Variants in NAV3 observed in about 807,000 individuals in gnomAD.
NAV3 encodes the protein pore membrane and/or filament interacting like protein 1.
Under a neutral mutation model 244.7 loss-of-function variants are expected in NAV3, and 87 were observed. The ratio of observed to expected loss-of-function variants is 0.36; its 90% confidence interval spans 0.30 to 0.42. NAV3 has a LOEUF of 0.42. NAV3 is among the 20% of genes least tolerant of loss of function. The probability of loss-of-function intolerance (pLI) is 1.00; values close to 1 mark genes in which losing one functional copy is unlikely to be tolerated. For missense variants in NAV3, 2,663 were observed against 2,893.3 expected (o/e 0.92, Z 1.83); for synonymous variants, 1,126 against 1,042.2 (o/e 1.08, Z -1.55).
chr12:77,694,220 A>G (rs1875178625), intron 2 of NAV3, among the ~76,000 whole-genome samples: 1 of 151,774 alleles, frequency 6.6e-6, no homozygotes, highest in Non-Finnish European at 1.5e-5. Context: ...TAATCCCAGC[A>G]CTTTGGGAGG....
chr12:77,830,075 G>A (rs773960132), upstream of NAV3, among the ~76,000 whole-genome samples: 2 of 152,124 alleles, frequency 1.3e-5, no homozygotes, highest in Non-Finnish European at 2.9e-5. Flanking sequence ...TACATTAGAT[G>A]TTTTCTTAAA....
rs5799344 is a variant in NAV3 at position 77,762,723 on chromosome 12, TTTGTTGTTGTTG to T, written c.73-177572_73-177561del. On this transcript the variant is annotated intron_variant, in intron 2 of 8. Transcript: ENST00000550042. ...ATTTCCACCCAGGCTTCATGGGTTT[TTTGTTGTTGTTG>T]TTGTTGTTGTTGTTGTTGTTGTTAA... Among the ~76,000 whole-genome samples the T allele has an allele frequency of 3.8e-3, 568 of 150,830 alleles. 2 individuals carry two copies. Among genetic ancestry groups the T allele is most frequent in the Non-Finnish European group, 5.4e-3 (366 of 67,758 alleles).
intron 2 of NAV3, among the ~76,000 whole-genome samples, chr12:77,798,888 C>T (rs1006416894): frequency 6.6e-6 from 1 of 152,166 alleles, no homozygotes; most frequent in Non-Finnish European, 1.5e-5. Context: ...AGGAGAAATA[C>T]TGTGTTAGCT....
chr12:77,939,160 T>C (rs927047271), intron 1 of NAV3, among the ~76,000 whole-genome samples: 27 of 152,212 alleles, frequency 1.8e-4, no homozygotes, highest in African/African-American at 6.0e-4. Context: ...TTAACATGCT[T>C]GGCATTTAGT....
At chr12:78,139,180 G>T (rs1033023447) in intron 19 of NAV3, among the ~76,000 whole-genome samples, 18 of 152,008 alleles carry the variant, frequency 1.2e-4, no homozygotes, top group African/African-American at 4.3e-4. Context: ...AAAACTGGGG[G>T]TTCTTCTTTA....
intron 8 of NAV3, among the ~76,000 whole-genome samples, chr12:78,015,377 T>G (rs763395410): frequency 1.3e-5 from 2 of 152,078 alleles, no homozygotes; most frequent in African/African-American, 2.4e-5. Flanking sequence ...CTGGAACAAC[T>G]GTTTAGCCTT....
At chr12:78,121,518 A>C (rs1955666538) in intron 15 of NAV3, among the ~76,000 whole-genome samples, 1 of 134,496 alleles carries the variant, frequency 7.4e-6, no homozygotes, top group Admixed American at 8.5e-5. Flanking sequence ...AAATTTAAAA[A>C]TAAAAAAAAA....
chr12:77,613,723 C>T (rs865875848), intron 2 of NAV3, among the ~76,000 whole-genome samples: 1 of 152,054 alleles, frequency 6.6e-6, no homozygotes, highest in Non-Finnish European at 1.5e-5. Context: ...AGTATAAACC[C>T]CCACACACTG....
chr12:77,909,342 T>A (rs1468573112), intron 1 of NAV3, among the ~76,000 whole-genome samples: 2 of 151,962 alleles, frequency 1.3e-5, no homozygotes, highest in Non-Finnish European at 2.9e-5. Context: ...GCTTTGTCCA[T>A]CCGGGTAACA....
intron 9 of NAV3, among the ~76,000 whole-genome samples, chr12:78,047,268 A>G (rs1881974055): frequency 6.6e-6 from 1 of 152,102 alleles, no homozygotes; most frequent in African/African-American, 2.4e-5. Flanking sequence ...CAGGCGGATC[A>G]TGAGGTCAGG....
intron 3 of NAV3, among the ~76,000 whole-genome samples, chr12:77,946,632 A>G (rs1438489111): frequency 1.3e-5 from 2 of 152,160 alleles, no homozygotes; most frequent in Non-Finnish European, 2.9e-5. Flanking sequence ...GGGCGGCATC[A>G]GGATTCAAAA....
At chr12:78,165,632 C>G (rs183834799) in intron 23 of NAV3, among the ~76,000 whole-genome samples, 4 of 151,718 alleles carry the variant, frequency 2.6e-5, no homozygotes, top group Non-Finnish European at 5.9e-5. Context: ...CTGAAGGCCA[C>G]ATTACAATTT....
chr12:78,154,291 A>ATATAT (rs1313653782), intron 22 of NAV3, among the ~76,000 whole-genome samples: 1 of 80,244 alleles, frequency 1.2e-5, no homozygotes, highest in African/African-American at 4.3e-5. Context: ...ATATACTACT[A>ATATAT]TATATTACTA....
At chr12:77,879,096 C>T (rs1217395259) in intron 1 of NAV3, among the ~76,000 whole-genome samples, 2 of 152,054 alleles carry the variant, frequency 1.3e-5, no homozygotes, top group African/African-American at 4.8e-5. Context: ...AGGTTTGTAG[C>T]CCTATGCCAC....
chr12:77,964,042 TCTC>T (rs1225697925), intron 3 of NAV3, among the ~76,000 whole-genome samples: 10 of 145,978 alleles, frequency 6.9e-5, no homozygotes, highest in African/African-American at 2.5e-4. Context: ...TTTTTCTCCT[TCTC>T]CTTCTTCTTT....
rs775614476 is a variant in NAV3 at position 78,007,333 on chromosome 12, A to T, written c.1795A>T (p.Met599Leu). Residue 599 changes from methionine to leucine, a missense_variant, in exon 8 of 40, where the codon ATG becomes TTG. Physicochemically the swap from Met to Leu is conservative, Grantham distance 15. Around this residue, in one of 6 missense-constraint regions of NAV3, gnomAD observed 1,521 missense variants for 1,497.0 expected, o/e 1.02. Coordinates refer to ENST00000397909, the MANE Select transcript of NAV3 (RefSeq NM_001024383.2). ...GQASPSGSCTMTVAQSSGQST... is the reference protein window; with the variant it reads ...GQASPSGSCTLTVAQSSGQST... ...AGCTTCTCCTTCTGGTTCCTGTACC[A>T]TGACAGTGGCACAAAGCAGTGGGCA... 1 of 1,614,192 alleles carries T rather than the reference A, an allele frequency of 6.2e-7. No individual in the cohort carries two copies. The highest frequency in any genetic ancestry group is 1.1e-5 in the South Asian group (1 of 91,084).
At chr12:78,081,550 C>A (rs1953353832) in intron 12 of NAV3, among the ~76,000 whole-genome samples, 1 of 152,188 alleles carries the variant, frequency 6.6e-6, no homozygotes. Flanking sequence ...AGGCTGTCAC[C>A]ATTTCCTCTC....
intron 1 of NAV3, among the ~76,000 whole-genome samples, chr12:77,852,585 A>AAT (rs1877716692): frequency 1.3e-5 from 2 of 151,924 alleles, no homozygotes; most frequent in South Asian, 2.1e-4. Flanking sequence ...ATAATGTTAT[A>AAT]CTTATGAAGA....
intron 9 of NAV3, chr12:78,036,647 A>G: frequency 4.5e-6 from 2 of 441,440 alleles, no homozygotes; most frequent in South Asian, 4.8e-5. Context: ...ATTCGAGCAA[A>G]ATATTTGTAA....
Sources: gnomAD v4.1 joint callset for allele counts (sites outside exome capture counted in the v4.1 genomes callset) on GRCh38, gnomAD v4.1.1 for gene constraint, gnomAD v4.1.1 regional missense constraint, MANE v1.5 for transcripts, NCBI Gene and HGNC (gene_info 2026-07-23, HGNC 2026-07-21) for gene names.